The following ADAM32 variants were observed in gnomAD, a reference collection of about 807,000 sequenced individuals.
ADAM32 encodes ADAM metallopeptidase domain 32.
Under a neutral mutation model 114.9 loss-of-function variants are expected in ADAM32, and 89 were observed. That is an observed-to-expected ratio of 0.77 (90% confidence interval 0.65 to 0.92). The LOEUF is 0.92. Ranked by LOEUF, ADAM32 falls within the 40% of genes least tolerant of loss-of-function variation. ADAM32 has a pLI of 0.00. For missense variants in ADAM32, 870 were observed against 932.8 expected, an observed-to-expected ratio of 0.93 and a Z score of 0.88; for synonymous variants, 285 against 307.5, an observed-to-expected ratio of 0.93 and a Z score of 0.77.
At chr8:39,119,067 G>A (rs1260414322) in intron 2 of ADAM32, among the ~76,000 whole-genome samples, 1 of 152,078 alleles carries the variant, frequency 6.6e-6, no homozygotes, top group Non-Finnish European at 1.5e-5. Context: ...CATTTATCAG[G>A]TTATTAATTT....
At chr8:39,191,600 GT>G (rs56342912) in intron 11 of ADAM32, among the ~76,000 whole-genome samples, 37,426 of 151,846 alleles carry the variant, frequency 0.25, 4,984 homozygotes, top group Non-Finnish European at 0.29. Context: ...TAATAGGGTT[GT>G]TTTTTTCTTG....
chr8:39,262,719 C>A (rs977215753), intron 19 of ADAM32, among the ~76,000 whole-genome samples: 1 of 150,618 alleles, frequency 6.6e-6, no homozygotes, highest in African/African-American at 2.4e-5. Context: ...TTCTTTCCTT[C>A]CATCCTTTCT....
intron 6 of ADAM32, among the ~76,000 whole-genome samples, chr8:39,160,693 A>G (rs1185408590): frequency 6.6e-6 from 1 of 152,134 alleles, no homozygotes; most frequent in Admixed American, 6.5e-5. Flanking sequence ...ACTGAGATAG[A>G]TGTTACAACT....
chr8:39,176,147 T>C (rs1012366693), intron 10 of ADAM32, among the ~76,000 whole-genome samples: 3 of 152,184 alleles, frequency 2.0e-5, no homozygotes, highest in East Asian at 1.9e-4. Flanking sequence ...CCTGGATTCA[T>C]TGATTTTTTG....
chr8:39,107,945 G>T (rs1393050588), intron 1 of ADAM32, 112 bp downstream of exon 1: 12 of 1,356,884 alleles, frequency 8.8e-6, no homozygotes, highest in Non-Finnish European at 1.2e-5. Flanking sequence ...TGTCACCCTG[G>T]CAACGGGGCC....
intron 7 of ADAM32, 51 bp downstream of exon 7, chr8:39,161,016 A>G: frequency 6.9e-7 from 1 of 1,440,190 alleles, no homozygotes; most frequent in Non-Finnish European, 9.4e-7. Flanking sequence ...CAAATGTATG[A>G]TTATGCCTAG....
chr8:39,265,320 C>T (rs865880362), intron 19 of ADAM32, among the ~76,000 whole-genome samples: 2 of 152,148 alleles, frequency 1.3e-5, no homozygotes, highest in Non-Finnish European at 2.9e-5. Context: ...AAAGCAACTT[C>T]TGCTCTTTTT....
At chr8:39,130,991 C>G in intron 2 of ADAM32, 3 of 366,246 alleles carry the variant, frequency 8.2e-6, no homozygotes, top group South Asian at 4.0e-5. Context: ...GAGTCTTGCT[C>G]TGTTGCCCAG....
At chr8:39,266,297 C>A (rs1431379603) in intron 19 of ADAM32, among the ~76,000 whole-genome samples, 2 of 152,148 alleles carry the variant, frequency 1.3e-5, no homozygotes, top group Non-Finnish European at 2.9e-5. Context: ...TTCAGGAATG[C>A]CAGCGAGTCC....
At chr8:39,223,266 GC>G in intron 14 of ADAM32, 28 bp downstream of exon 14, 1 of 1,455,456 alleles carries the variant, frequency 6.9e-7, no homozygotes, top group African/African-American at 1.4e-5. Context: ...CATCTCAATA[GC>G]CCTTAACATT....
intron 12 of ADAM32, among the ~76,000 whole-genome samples, chr8:39,220,497 G>A (rs1808885955): frequency 6.6e-6 from 1 of 152,036 alleles, no homozygotes; most frequent in East Asian, 1.9e-4. Context: ...TCCTTGAGGT[G>A]CATCATTAGG....
At chr8:39,188,798 C>G (rs1425796778) in intron 11 of ADAM32, among the ~76,000 whole-genome samples, 1 of 152,044 alleles carries the variant, frequency 6.6e-6, no homozygotes, top group Non-Finnish European at 1.5e-5. Flanking sequence ...TATATAATCT[C>G]CAATTTCTTA....
chr8:39,235,602 C>T (rs1564655716), intron 16 of ADAM32, among the ~76,000 whole-genome samples: 2 of 152,088 alleles, frequency 1.3e-5, no homozygotes, highest in African/African-American at 4.8e-5. Flanking sequence ...ATAACCCAGA[C>T]AATTCTTCTC....
chr8:39,232,048 C>T lies in ADAM32; in HGVS notation c.1547C>T (p.Ala516Val), dbSNP rs1313877555. Residue 516 changes from alanine to valine, a missense_variant, in exon 15 of 25, where the codon GCC becomes GTC. Ala to Val is a moderately conservative substitution (Grantham distance 64). Transcript: ENST00000379907. ...ACAGGTTCAAGAAATGCTCCATTTG[C>T]CTGCTATGAAGAAATACAATCTCAA... ...FGKGSRNAPFACYEEIQSQSD... is the reference protein window; with the variant it reads ...FGKGSRNAPFVCYEEIQSQSD... 1 of 1,611,236 alleles carries T rather than the reference C, an allele frequency of 6.2e-7. No individual in the cohort carries two copies. Among genetic ancestry groups the T allele is most frequent in the Non-Finnish European group, 8.5e-7 (1 of 1,178,618 alleles).
intron 14 of ADAM32, among the ~76,000 whole-genome samples, chr8:39,227,674 G>A (rs908644025): frequency 6.6e-6 from 1 of 152,126 alleles, no homozygotes; most frequent in African/African-American, 2.4e-5. Flanking sequence ...AGCCACAGCA[G>A]GACCCGACTA....
intron 18 of ADAM32, among the ~76,000 whole-genome samples, chr8:39,256,889 C>G (rs1354883647): frequency 1.3e-5 from 2 of 151,918 alleles, no homozygotes; most frequent in Non-Finnish European, 2.9e-5. Context: ...TACACAATCC[C>G]ACGTTGTATA....
At chr8:39,278,211 C>T (rs1456797472) in intron 22 of ADAM32, among the ~76,000 whole-genome samples, 1 of 152,120 alleles carries the variant, frequency 6.6e-6, no homozygotes, top group Non-Finnish European at 1.5e-5. Flanking sequence ...GACATCCAGC[C>T]ATAGTCCCTG....
chr8:39,166,433 G>A (rs528683036), intron 9 of ADAM32: 1 of 152,182 alleles, frequency 6.6e-6, no homozygotes, highest in East Asian at 1.9e-4. Flanking sequence ...TTATCCACTG[G>A]TTGATTGATG....
intron 14 of ADAM32, among the ~76,000 whole-genome samples, chr8:39,224,659 A>G (rs1809224655): frequency 6.6e-6 from 1 of 152,030 alleles, no homozygotes; most frequent in Admixed American, 6.6e-5. Flanking sequence ...ATTCCTTATT[A>G]TATATATGAT....
Sources: allele counts gnomAD v4.1 joint callset (sites outside exome capture counted in the v4.1 genomes callset), GRCh38; gene constraint gnomAD v4.1.1; transcripts MANE v1.5; gene names NCBI Gene and HGNC (gene_info 2026-07-23, HGNC 2026-07-21).